CYTIP: variants seen among roughly 807,000 people sequenced by gnomAD.
CYTIP encodes the protein cytohesin-interacting protein.
CYTIP carries 26 observed loss-of-function variants against 43.8 expected under a neutral mutation model. That is an observed-to-expected ratio of 0.59 (90% CI 0.44 to 0.82). CYTIP has a LOEUF of 0.82. CYTIP is among the 40% of genes least tolerant of loss of function. The pLI is 0.00. For missense variants in CYTIP, 426 were observed against 443.1 expected (o/e 0.96, Z 0.35); for synonymous variants, 162 against 162.9 (o/e 0.99, Z 0.04).
At chr2:157,438,440 A>G (rs1685849042) in intron 1 of CYTIP, among the ~76,000 whole-genome samples, 1 of 152,224 alleles carries the variant, frequency 6.6e-6, no homozygotes, top group Non-Finnish European at 1.5e-5. Context: ...CTAGATAGGA[A>G]GAATAAGTTC....
rs544285250 is a variant in CYTIP at position 157,437,667 on chromosome 2, T to A, written c.175-2920A>T. Among the ~76,000 whole-genome samples the A allele has an allele frequency of 3.3e-3, 429 of 129,102 alleles. 1 individual carries two copies. Among genetic ancestry groups the A allele is most frequent in the Middle Eastern group, 0.011 (2 of 178 alleles). 84.7% of individuals were successfully genotyped at this position (129,102 alleles called of 152,430 possible). On this transcript the variant is annotated intron_variant, in intron 1 of 7. Coordinates refer to ENST00000264192, the MANE Select transcript of CYTIP (RefSeq NM_004288.5). ...GTGAGCTGAGATCATGCCATTGCAC[T>A]CCAGCCTGGCGACAGAGTGAGACTC... is the stretch of plus-strand genomic sequence containing the variant.
chr2:157,438,924 C>T, intron 1 of CYTIP: 1 of 424,634 alleles, frequency 2.4e-6, no homozygotes, highest in Non-Finnish European at 5.0e-6. Flanking sequence ...TTAGGAACTT[C>T]AAGATTTCAT....
intron 1 of CYTIP, among the ~76,000 whole-genome samples, chr2:157,435,765 A>G (rs1355667254): frequency 6.6e-6 from 1 of 152,242 alleles, no homozygotes; most frequent in Non-Finnish European, 1.5e-5. Context: ...AAATGAACAC[A>G]TAAAATATCA....
intron 7 of CYTIP, 51 bp downstream of exon 7, chr2:157,418,472 T>C (rs780625465): frequency 1.3e-6 from 2 of 1,526,418 alleles, no homozygotes; most frequent in Admixed American, 4.5e-5. Context: ...GAGGCAGAAA[T>C]ACTGAAAGAA....
chr2:157,430,845 A>G lies in CYTIP; in HGVS notation c.382+15T>C. 6.3e-7 allele frequency: 1 copy of G among 1,595,872 alleles called. No homozygotes were observed. The highest frequency in any genetic ancestry group is 1.1e-5 in the South Asian group (1 of 88,004). ...CATTTAAATGATTCCTAACATGAGC[A>G]AAAATTTAAGTTACCAGCTTGCAGG... On this transcript the variant is annotated intron_variant, in intron 4 of 7. Coordinates refer to ENST00000264192, the MANE Select transcript of CYTIP (RefSeq NM_004288.5).
At chr2:157,426,731 A>C (rs1685613876) in intron 6 of CYTIP, among the ~76,000 whole-genome samples, 2 of 152,170 alleles carry the variant, frequency 1.3e-5, no homozygotes, top group African/African-American at 4.8e-5. Flanking sequence ...TCTGGACTTC[A>C]TGGCTTAGGA....
chr2:157,442,023 C>T (rs1386558854), intron 1 of CYTIP, among the ~76,000 whole-genome samples: 1 of 152,136 alleles, frequency 6.6e-6, no homozygotes, highest in African/African-American at 2.4e-5. Flanking sequence ...TACACACTAA[C>T]CAGGTTCTCC....
At chr2:157,439,429 C>G (rs1685867752) in intron 1 of CYTIP, 1 of 151,412 alleles carries the variant, frequency 6.6e-6, no homozygotes, top group South Asian at 2.1e-4. Context: ...TGAAGTGTGT[C>G]TAAGGTCTTA....
At chr2:157,416,877 C>T (rs1025279820) in intron 7 of CYTIP, among the ~76,000 whole-genome samples, 11 of 151,954 alleles carry the variant, frequency 7.2e-5, no homozygotes, top group South Asian at 4.1e-4. Flanking sequence ...TCCTTAACAA[C>T]GTACATCTGG....
chr2:157,420,840 C>T (rs747490655), intron 6 of CYTIP, among the ~76,000 whole-genome samples: 2 of 152,054 alleles, frequency 1.3e-5, no homozygotes, highest in Non-Finnish European at 2.9e-5. Context: ...AAGAGACTAG[C>T]GTCCAGTTGA....
intron 1 of CYTIP, 65 bp from the exon 2 acceptor site, chr2:157,434,812 A>C (rs993224395): frequency 1.2e-5 from 5 of 413,964 alleles, no homozygotes; most frequent in Admixed American, 5.7e-5. Context: ...AATGTTCTAA[A>C]TCTCTCTCTC....
At chr2:157,441,468 G>A (rs1395522123) in intron 1 of CYTIP, among the ~76,000 whole-genome samples, 1 of 152,138 alleles carries the variant, frequency 6.6e-6, no homozygotes, top group Non-Finnish European at 1.5e-5. Context: ...TTTGAATATG[G>A]AAAGTCTACC....
chr2:157,440,501 G>T (rs1685888605), intron 1 of CYTIP, among the ~76,000 whole-genome samples: 1 of 152,152 alleles, frequency 6.6e-6, no homozygotes, highest in Non-Finnish European at 1.5e-5. Context: ...TTGTCATGAG[G>T]TGATTAAAAT....
intron 6 of CYTIP, among the ~76,000 whole-genome samples, chr2:157,420,713 G>A (rs1401376600): frequency 3.4e-5 from 5 of 148,176 alleles, no homozygotes; most frequent in Admixed American, 2.7e-4. Flanking sequence ...GCTTTTAACT[G>A]TGTAAATCTG....
intron 7 of CYTIP, among the ~76,000 whole-genome samples, 165 bp from the exon 8 acceptor site, chr2:157,416,308 T>C (rs139271029): frequency 2.6e-5 from 4 of 152,354 alleles, no homozygotes; most frequent in African/African-American, 9.6e-5. Flanking sequence ...TGAGACCATT[T>C]GATAAACCTT....
rs111815215 is a variant in CYTIP at position 157,428,854 on chromosome 2, T to C, written c.477-1434A>G. ...CTCTCACAAACACCCAAAGCATCCT[T>C]TGAAGTTTTACACCAGAATCACTGA... On this transcript the variant is annotated intron_variant, in intron 5 of 7. Coordinates refer to ENST00000264192, the MANE Select transcript of CYTIP (RefSeq NM_004288.5). Among the ~76,000 whole-genome samples the C allele has an allele frequency of 1.7e-3, 254 of 152,312 alleles. 2 individuals carry two copies. Among genetic ancestry groups the C allele is most frequent in the Middle Eastern group, 6.8e-3 (2 of 294 alleles).
intron 5 of CYTIP, among the ~76,000 whole-genome samples, chr2:157,429,915 A>T (rs929885126): frequency 6.7e-6 from 1 of 150,068 alleles, no homozygotes; most frequent in Non-Finnish European, 1.5e-5. Flanking sequence ...CCCAGCTACT[A>T]GGGAGGCTGA....
In CYTIP at chr2:157,434,715, G is replaced by T. The variant is rs774683157; in HGVS notation, c.207C>A (p.Asp69Glu). The T allele has an allele frequency of 1.2e-6, 2 of 1,611,266 alleles. No individual in the cohort carries two copies. The highest frequency in any genetic ancestry group is 1.3e-5 in the African/African-American group (1 of 74,834). The change falls in exon 2 of 8, where the codon GAC becomes GAA. Residue 69 changes from aspartate to glutamate, a missense_variant. Coordinates refer to ENST00000264192, the MANE Select transcript of CYTIP (RefSeq NM_004288.5). ...LALTRSSSLS[D>E]FSWSQRKLVT... ...CTCTTTACCTTTGAGACCAGGAAAA[G>T]TCACTTAAAGAACTTGATCTGGTCA... is the stretch of plus-strand genomic sequence containing the variant.
intron 2 of CYTIP, 102 bp downstream of exon 2, chr2:157,434,594 GTA>G: frequency 1.5e-6 from 1 of 654,660 alleles, no homozygotes; most frequent in Non-Finnish European, 2.5e-6. Flanking sequence ...GTGTGTGTGC[GTA>G]GAGAGAGAGA....
Sources: allele counts gnomAD v4.1 joint callset (sites outside exome capture counted in the v4.1 genomes callset), GRCh38; gene constraint gnomAD v4.1.1; transcripts MANE v1.5; gene names NCBI Gene and HGNC (gene_info 2026-07-23, HGNC 2026-07-21).